CCNH: variants seen among roughly 807,000 people sequenced by gnomAD.
CCNH encodes cyclin H, also known as cyclin-H.
CCNH carries 31 observed loss-of-function variants against 41.9 expected under a neutral mutation model. The ratio of observed to expected loss-of-function variants is 0.74; its 90% confidence interval spans 0.56 to 1.00. CCNH has a LOEUF of 1.00. Ranked by LOEUF, CCNH falls within the 50% of genes least tolerant of loss-of-function variation. CCNH has a pLI of 0.00. For missense variants in CCNH, 362 were observed against 388.4 expected (o/e 0.93, Z 0.57); for synonymous variants, 138 against 136.1 (o/e 1.01, Z -0.10).
chr5:87,374,767 TACTAGA>T, downstream of CCNH: 1 of 1,585,152 alleles, frequency 6.3e-7, no homozygotes, highest in Non-Finnish European at 8.6e-7. Context: ...GTTTATTTGA[TACTAGA>T]ACTAAAGAAA....
Position 87,404,831 on chromosome 5 carries a change from A to C in CCNH, c.689+13T>G. ...TGACTGAATTTGACCTAAGTTAAAA[A>C]ACTAATTAATACCTTTCCATAGTAA... On this transcript the variant is annotated intron_variant, in intron 5 of 8. Transcript: ENST00000256897. 1 of 1,581,574 alleles carries C rather than the reference A, an allele frequency of 6.3e-7. No homozygotes were observed. The highest frequency in any genetic ancestry group is 8.6e-7 in the Non-Finnish European group (1 of 1,167,610).
chr5:87,334,829 T>C (rs950041265), intron 9 of CCNH, among the ~76,000 whole-genome samples: 2 of 152,176 alleles, frequency 1.3e-5, no homozygotes, highest in African/African-American at 4.8e-5. Flanking sequence ...ACTTCTGCTG[T>C]GTACCAGGGA....
intron 8 of CCNH, chr5:87,394,769 C>T: frequency 7.5e-7 from 1 of 1,339,206 alleles, no homozygotes; most frequent in South Asian, 2.2e-5. Flanking sequence ...GGGAAAAATC[C>T]TTGGAGAATA....
downstream of CCNH, among the ~76,000 whole-genome samples, chr5:87,314,932 A>G (rs1299152876): frequency 6.6e-6 from 1 of 152,106 alleles, no homozygotes; most frequent in African/African-American, 2.4e-5. Flanking sequence ...GATAAGTGAC[A>G]CCCCCATCTT....
At chr5:87,387,549 TAC>T (rs891840341), downstream of CCNH, among the ~76,000 whole-genome samples, 18 of 152,270 alleles carry the variant, frequency 1.2e-4, no homozygotes, top group Non-Finnish European at 2.5e-4. Flanking sequence ...TCAGTTCATA[TAC>T]AGAGAAACCA....
chr5:87,352,525 T>C (rs1210512844), intron 9 of CCNH, among the ~76,000 whole-genome samples: 6 of 151,820 alleles, frequency 4.0e-5, no homozygotes, highest in Admixed American at 2.0e-4. Flanking sequence ...CACTAAAATT[T>C]ATATTAAAAT....
downstream of CCNH, chr5:87,393,420 A>G (rs1188847091): frequency 6.6e-6 from 1 of 152,224 alleles, no homozygotes; most frequent in African/African-American, 2.4e-5. Flanking sequence ...TATGAAGAGT[A>G]GGCATTTTTA....
downstream of CCNH, chr5:87,386,721 G>T: frequency 2.2e-6 from 2 of 910,968 alleles, no homozygotes; most frequent in Non-Finnish European, 3.6e-6. Flanking sequence ...TGGTGCAATA[G>T]TAATTGCAGT....
At chr5:87,406,071 A>G (rs866775583) in intron 4 of CCNH, among the ~76,000 whole-genome samples, 3 of 152,130 alleles carry the variant, frequency 2.0e-5, no homozygotes, top group Non-Finnish European at 4.4e-5. Flanking sequence ...TGTCTTTGAT[A>G]ATTCTCAGAA....
rs564571974 is a variant in CCNH, at chr5:87,333,244, CT to C, written c.*91-14348del. ...AGATAAAAAGACTATCTTTTTAAAT[CT>C]TTTTTTTTTTATGGTTTCTAGCCAG... On this transcript the variant is annotated intron_variant and NMD_transcript_variant, in intron 9 of 9. Transcript: ENST00000645953. 19,707 of 1,023,298 alleles carry C rather than the reference CT, an allele frequency of 0.019. No homozygotes were observed. Among genetic ancestry groups the C allele is most frequent in the South Asian group, 0.039 (2,084 of 53,142 alleles). 63.4% of individuals were successfully genotyped at this position (1,023,298 alleles called of 1,614,324 possible).
intron 7 of CCNH, among the ~76,000 whole-genome samples, chr5:87,398,814 A>G (rs1241237193): frequency 2.0e-5 from 3 of 152,084 alleles, no homozygotes; most frequent in African/African-American, 7.2e-5. Context: ...TCTACTAAAA[A>G]TACAAAAAAT....
At chr5:87,358,295 T>G (rs1351449058) in intron 9 of CCNH, among the ~76,000 whole-genome samples, 1 of 152,216 alleles carries the variant, frequency 6.6e-6, no homozygotes, top group African/African-American at 2.4e-5. Flanking sequence ...CTTACATTTT[T>G]GAGCACTATA....
At chr5:87,381,884 T>G (rs150657581), upstream of CCNH, among the ~76,000 whole-genome samples, 71 of 152,360 alleles carry the variant, frequency 4.7e-4, no homozygotes, top group African/African-American at 1.2e-3. Context: ...CTACTATGTA[T>G]AATTATCACA....
chr5:87,366,490 A>G (rs1561314035), intron 9 of CCNH: 1 of 235,722 alleles, frequency 4.2e-6, no homozygotes, highest in Admixed American at 4.4e-5. Context: ...AATGATTCCT[A>G]TTCTGGTTAG....
chr5:87,366,610 T>TA (rs1214393751), intron 9 of CCNH: 1 of 159,062 alleles, frequency 6.3e-6, no homozygotes, highest in African/African-American at 2.4e-5. Flanking sequence ...GAAGGTGACT[T>TA]AAAGAATTTG....
chr5:87,401,897 A>AAAATATAGGAGT lies in CCNH; in HGVS notation c.690-126_690-125insACTCCTATATTT, dbSNP rs1274824046. 4 of 549,772 alleles carry AAAATATAGGAGT rather than the reference A, an allele frequency of 7.3e-6. No homozygotes were observed. The South Asian group carries it at 1.1e-4, about 15-fold the overall frequency. 34.1% of individuals were successfully genotyped at this position (549,772 alleles called of 1,614,324 possible). Reference sequence around the variant, plus strand: ...AAAAAATTTTTAAATTTATGAATGTATAATCTGTAACTCCTATATTTTAAG... The same window carrying AAAATATAGGAGT: ...AAAAAATTTTTAAATTTATGAATGTAAAATATAGGAGTTAATCTGTAACTCCTATATTTTAAG... On this transcript the variant is annotated intron_variant, in intron 5 of 8. Coordinates refer to ENST00000256897, the MANE Select transcript of CCNH (RefSeq NM_001239.4).
chr5:87,386,960 TA>T, downstream of CCNH: 1 of 1,412,794 alleles, frequency 7.1e-7, no homozygotes, highest in South Asian at 1.2e-5. Flanking sequence ...ATAGCTGAGT[TA>T]ACCCATTTAA....
chr5:87,327,503 G>T (rs1211069698), intron 9 of CCNH, among the ~76,000 whole-genome samples: 1 of 152,288 alleles, frequency 6.6e-6, no homozygotes, highest in African/African-American at 2.4e-5. Flanking sequence ...ACGAGATTTG[G>T]TATGTTTAGG....
chr5:87,399,629 A>T lies in CCNH; in HGVS notation c.761-124T>A, dbSNP rs1175750069. On this transcript the variant is annotated intron_variant, in intron 6 of 8. Transcript: ENST00000256897. ...CTCTTCAAATGACATGGTTATTCTC[A>T]GGATTTGCATCATTCTGCATTTCAT... 4.4e-6 allele frequency: 3 copies of T among 676,526 alleles called. No individual in the cohort carries two copies. In the Admixed American group the frequency reaches 7.1e-5, roughly 16 times the overall value. 41.9% of individuals were successfully genotyped at this position (676,526 alleles called of 1,614,324 possible).
Sources: allele counts gnomAD v4.1 joint callset (sites outside exome capture counted in the v4.1 genomes callset), GRCh38; gene constraint gnomAD v4.1.1; transcripts MANE v1.5; gene names NCBI Gene and HGNC (gene_info 2026-07-23, HGNC 2026-07-21).